Variants in CLPX observed in about 807,000 individuals in gnomAD.
CLPX encodes ATP-dependent clpX-like chaperone, mitochondrial.
Under a neutral mutation model 76.4 loss-of-function variants are expected in CLPX, and 34 were observed. The observed-to-expected ratio is 0.45, with a 90% CI of 0.34 to 0.59. CLPX has a LOEUF of 0.59. CLPX is among the 20% of genes least tolerant of loss of function. The pLI is 0.01. For missense variants in CLPX, 613 were observed against 757.0 expected (o/e 0.81, Z 2.23); for synonymous variants, 248 against 270.9 (o/e 0.92, Z 0.83).
intron 6 of CLPX, among the ~76,000 whole-genome samples, chr15:65,160,582 C>A (rs1218020140): frequency 6.9e-6 from 1 of 145,378 alleles, no homozygotes; most frequent in Non-Finnish European, 1.5e-5. Context: ...AGGTGCTTGT[C>A]ATTCACTCAT....
chr15:65,180,187 T>C lies in CLPX; in HGVS notation c.97A>G (p.Ile33Val). 1 of 1,599,648 alleles carries C rather than the reference T, an allele frequency of 6.3e-7. No homozygotes were observed. The highest frequency in any genetic ancestry group is 8.5e-7 in the Non-Finnish European group (1 of 1,173,246). ...SAQRGISGGR[I>V]HMSVLGRLGT... ...AGCCTTCCTAAAACTGACATATGAA[T>C]GCGACCACCAGAAATACCTGAAAAT... The change falls in exon 2 of 14, where the codon ATT becomes GTT. Residue 33 changes from isoleucine to valine, a missense_variant. By Grantham distance (29) the Ile-to-Val change is conservative. This residue lies in a region of CLPX where 163 missense variants were observed against 118.4 expected (regional missense o/e 1.38). Transcript: ENST00000300107.
chr15:65,178,822 C>T (rs1040231214), intron 3 of CLPX, 112 bp downstream of exon 3: 27 of 531,636 alleles, frequency 5.1e-5, no homozygotes, highest in Non-Finnish European at 7.3e-5. Flanking sequence ...AGGCATAAGC[C>T]GTTTGCACCT....
chr15:65,178,881 G>T, intron 3 of CLPX, 53 bp downstream of exon 3: 2 of 986,962 alleles, frequency 2.0e-6, no homozygotes, highest in Non-Finnish European at 3.1e-6. Context: ...TATACACTTA[G>T]TAATTTACAG....
chr15:65,164,243 C>G, intron 4 of CLPX, 55 bp from the exon 5 acceptor site: 1 of 1,405,694 alleles, frequency 7.1e-7, no homozygotes, highest in East Asian at 2.4e-5. Flanking sequence ...AGAGCACACA[C>G]ATTAAAAAGT....
intron 1 of CLPX, 87 bp from the exon 2 acceptor site, chr15:65,180,291 T>TG (rs770727128): frequency 2.0e-6 from 2 of 1,023,434 alleles, no homozygotes; most frequent in Non-Finnish European, 2.8e-6. Context: ...TAAAGGAGGT[T>TG]GAAAAAAAGC....
At chr15:65,160,278 T>C (rs973923719) in intron 6 of CLPX, among the ~76,000 whole-genome samples, 2 of 152,184 alleles carry the variant, frequency 1.3e-5, no homozygotes, top group South Asian at 4.1e-4. Context: ...AGGGTTATTC[T>C]ATTCATCAAA....
chr15:65,152,583 C>T (rs979210248), intron 12 of CLPX, 47 bp from the exon 13 acceptor site: 1 of 1,023,122 alleles, frequency 9.8e-7, no homozygotes, highest in Non-Finnish European at 1.4e-6. Context: ...AGATTACATA[C>T]AAGTGCTTTT....
rs1322258544 is a variant in CLPX at position 65,183,589 on chromosome 15, AAAAG to A, written c.79+1482_79+1485del. ...GGAAGGAAGGAAGGAAGGAGAAAAG[AAAAG>A]AAAAAGAAAGAAAACAGTCGTTTTG... On this transcript the variant is annotated intron_variant, in intron 1 of 13. Transcript: ENST00000300107. Among the ~76,000 whole-genome samples, 5 of 152,020 alleles carry A rather than the reference AAAAG, an allele frequency of 3.3e-5. 1 individual carries two copies. Among genetic ancestry groups the A allele is most frequent in the Non-Finnish European group, 7.4e-5 (5 of 67,992 alleles).
In CLPX at chr15:65,152,652, A is replaced by AATAT. The variant is rs776162403; in HGVS notation, c.1705-120_1705-117dup. On this transcript the variant is annotated intron_variant, in intron 12 of 13. Coordinates refer to ENST00000300107, the MANE Select transcript of CLPX (RefSeq NM_006660.5). Reference sequence around the variant, plus strand: ...CAAGGAAAAAGAAACAAACAAAACAAATATATATATATATATAAACATATA... The same window carrying AATAT: ...CAAGGAAAAAGAAACAAACAAAACAAATATATATATATATATATATAAACATATA... The AATAT allele has an allele frequency of 4.2e-3, 980 of 234,082 alleles. 15 individuals carry two copies. The highest frequency in any genetic ancestry group is 0.021 in the African/African-American group (876 of 42,536). The allele number at this position is 234,082 out of a possible 1,614,324, so 14.5% of individuals were successfully genotyped here. A position where few individuals can be genotyped will look rare whatever the true frequency, so the allele number is the denominator to read the frequency against.
intron 3 of CLPX, among the ~76,000 whole-genome samples, chr15:65,170,865 C>T (rs1243084738): frequency 6.8e-6 from 1 of 146,724 alleles, no homozygotes; most frequent in African/African-American, 2.5e-5. Flanking sequence ...TTCTGTCACC[C>T]AGACTGGAGT....
At chr15:65,181,886 G>A (rs2088178009) in intron 1 of CLPX, among the ~76,000 whole-genome samples, 1 of 151,828 alleles carries the variant, frequency 6.6e-6, no homozygotes, top group African/African-American at 2.4e-5. Context: ...CACTTTGGGA[G>A]GCCCAGGGGG....
chr15:65,155,633 C>CT (rs1222148243), intron 10 of CLPX, 59 bp downstream of exon 10: 11 of 1,378,572 alleles, frequency 8.0e-6, no homozygotes, highest in Non-Finnish European at 1.1e-5. Flanking sequence ...AGAATGGAAA[C>CT]TGAGTGTACA....
chr15:65,152,327 TATA>T (rs2087731804), intron 13 of CLPX, 100 bp downstream of exon 13: 2 of 426,658 alleles, frequency 4.7e-6, no homozygotes, highest in African/African-American at 2.1e-5. Context: ...CCCTTAGAAA[TATA>T]ATAATTTTTA....
intron 1 of CLPX, among the ~76,000 whole-genome samples, chr15:65,180,603 T>C (rs544564109): frequency 1.3e-5 from 2 of 152,274 alleles, no homozygotes; most frequent in South Asian, 2.1e-4. Context: ...TCTGTTATTA[T>C]ATAAGAATAC....
chr15:65,155,495 A>G (rs2414876), intron 10 of CLPX, among the ~76,000 whole-genome samples, 197 bp downstream of exon 10: 124,598 of 152,124 alleles, frequency 0.82, 51,252 homozygotes, highest in East Asian at 1. Flanking sequence ...CAATCTGCCC[A>G]CCTTGGCCTC....
chr15:65,164,235 A>G (rs2087884302), intron 4 of CLPX, 47 bp from the exon 5 acceptor site: 3 of 1,458,084 alleles, frequency 2.1e-6, no homozygotes, highest in South Asian at 1.3e-5. Context: ...CTATTATAAG[A>G]GCACACACAT....
intron 3 of CLPX, among the ~76,000 whole-genome samples, chr15:65,171,057 A>G (rs1390689105): frequency 6.6e-6 from 1 of 151,810 alleles, no homozygotes; most frequent in Admixed American, 6.6e-5. Context: ...TTCTGACCTC[A>G]TGAAACACCC....
chr15:65,179,486 G>A (rs1162472621), intron 2 of CLPX, among the ~76,000 whole-genome samples: 2 of 152,066 alleles, frequency 1.3e-5, no homozygotes, highest in Non-Finnish European at 2.9e-5. Context: ...GTTAAGTATG[G>A]ATATGTAAGT....
chr15:65,153,455 A>G, intron 12 of CLPX, 92 bp downstream of exon 12: 2 of 791,072 alleles, frequency 2.5e-6, no homozygotes, highest in Non-Finnish European at 4.3e-6. Flanking sequence ...CAAAATATAT[A>G]TACATATTTT....
Sources: gnomAD v4.1 joint callset for allele counts (sites outside exome capture counted in the v4.1 genomes callset) on GRCh38, gnomAD v4.1.1 for gene constraint, gnomAD v4.1.1 regional missense constraint, MANE v1.5 for transcripts, NCBI Gene and HGNC (gene_info 2026-07-23, HGNC 2026-07-21) for gene names.